Variants in PIK3C3 observed in about 807,000 individuals in gnomAD.
The protein encoded by PIK3C3 is phosphatidylinositol 3-kinase catalytic subunit type 3, also known as PI3-kinase type 3.
Under a neutral mutation model 126.1 loss-of-function variants are expected in PIK3C3, and 95 were observed. That is an observed-to-expected ratio of 0.75 (90% CI 0.64 to 0.89). The LOEUF is 0.89. Among genes scored for constraint, PIK3C3 ranks in the 40% least tolerant of loss-of-function variants. The pLI is 0.00. For synonymous variants in PIK3C3, 374 were observed against 360.0 expected, an observed-to-expected ratio of 1.04 and a Z score of -0.44; for missense variants, 829 against 1,063.2, an observed-to-expected ratio of 0.78 and a Z score of 3.06.
At chr18:41,967,644 C>G (rs1374511882) in intron 3 of PIK3C3, among the ~76,000 whole-genome samples, 1 of 152,132 alleles carries the variant, frequency 6.6e-6, no homozygotes, top group Non-Finnish European at 1.5e-5. Context: ...AATTGAAATA[C>G]TGATTTGTTA....
chr18:42,031,397 A>T (rs1426524246), intron 15 of PIK3C3, among the ~76,000 whole-genome samples: 1 of 152,080 alleles, frequency 6.6e-6, no homozygotes, highest in East Asian at 1.9e-4. Context: ...TACATATTTG[A>T]ATTCTAATAA....
intron 21 of PIK3C3, among the ~76,000 whole-genome samples, chr18:42,054,943 A>G (rs1028485192): frequency 4.0e-5 from 6 of 151,476 alleles, no homozygotes; most frequent in African/African-American, 1.5e-4. Context: ...TTTTTTTTAA[A>G]CTTATGTAGT....
At chr18:41,968,565 C>A (rs758285444) in intron 3 of PIK3C3, among the ~76,000 whole-genome samples, 1 of 152,058 alleles carries the variant, frequency 6.6e-6, no homozygotes, top group Non-Finnish European at 1.5e-5. Flanking sequence ...TGTTTTATTG[C>A]CAACTTTAGA....
At chr18:42,073,412 T>C (rs1257298586) in intron 24 of PIK3C3, among the ~76,000 whole-genome samples, 2 of 152,234 alleles carry the variant, frequency 1.3e-5, no homozygotes, top group African/African-American at 4.8e-5. Flanking sequence ...GGTGTGGTTA[T>C]TCTGCTTGAA....
chr18:42,046,187 C>T (rs1984550423), intron 20 of PIK3C3, among the ~76,000 whole-genome samples: 1 of 152,166 alleles, frequency 6.6e-6, no homozygotes, highest in Non-Finnish European at 1.5e-5. Context: ...ATTCATTCCT[C>T]TGTAAGTGAT....
intron 13 of PIK3C3, among the ~76,000 whole-genome samples, chr18:42,023,383 T>C (rs1179972695): frequency 6.6e-6 from 1 of 152,258 alleles, no homozygotes; most frequent in African/African-American, 2.4e-5. Flanking sequence ...GTTTCCAACA[T>C]AGCAGCTGCT....
intron 20 of PIK3C3, among the ~76,000 whole-genome samples, chr18:42,046,662 A>T (rs535752282): frequency 4.0e-4 from 61 of 152,164 alleles, no homozygotes; most frequent in South Asian, 1.0e-3. Flanking sequence ...TTTCTAGCAA[A>T]TTTATTTCAG....
At position 42,015,534 on chromosome 18, in the gene PIK3C3, A is replaced by G; in HGVS notation, c.1384A>G (p.Thr462Ala). 1 of 1,613,802 alleles carries G rather than the reference A, an allele frequency of 6.2e-7. No individual in the cohort carries two copies. The highest frequency in any genetic ancestry group is 8.5e-7 in the Non-Finnish European group (1 of 1,179,866). ...CTCTTCACCTCCTCCTGCATCAAAA[A>G]CAAAAGAAGTTCCAGATGGCGAAAA... ...SVSSPPPASK[T>A]KEVPDGENLE... Residue 462 changes from threonine to alanine, a missense_variant, in exon 12 of 25, where the codon ACA becomes GCA. Physicochemically the swap from Thr to Ala is moderately conservative, Grantham distance 58 (BLOSUM62 0). This residue lies in a region of PIK3C3 where 256 missense variants were observed against 291.0 expected (regional missense o/e 0.88). Transcript: ENST00000262039.
chr18:41,967,312 G>A (rs945219170), intron 3 of PIK3C3, among the ~76,000 whole-genome samples: 5 of 152,082 alleles, frequency 3.3e-5, no homozygotes, highest in African/African-American at 1.2e-4. Context: ...CAAGAAGCGC[G>A]TGCAGATTTT....
intron 14 of PIK3C3, 139 bp from the exon 15 acceptor site, chr18:42,029,186 C>A: frequency 1.7e-6 from 1 of 576,714 alleles, no homozygotes; most frequent in Non-Finnish European, 3.2e-6. Flanking sequence ...ATTTTTGAAT[C>A]AAGATAATCT....
intron 4 of PIK3C3, among the ~76,000 whole-genome samples, chr18:41,976,830 C>A (rs1023240199): frequency 2.0e-5 from 3 of 152,150 alleles, no homozygotes; most frequent in African/African-American, 7.2e-5. Flanking sequence ...TTTTTAAATT[C>A]ATGAAAAGAT....
intron 9 of PIK3C3, among the ~76,000 whole-genome samples, chr18:41,997,830 AAGTC>A (rs1388501846): frequency 6.6e-6 from 1 of 152,146 alleles, no homozygotes; most frequent in Non-Finnish European, 1.5e-5. Flanking sequence ...GAAGAAAAGA[AAGTC>A]AGTGAAGACG....
Position 42,033,833 on chromosome 18 carries a change from G to T in PIK3C3, c.1715G>T (p.Arg572Ile). 1 of 1,600,666 alleles carries T rather than the reference G, an allele frequency of 6.2e-7. No individual in the cohort carries two copies. Among genetic ancestry groups the T allele is most frequent in the South Asian group, 1.1e-5 (1 of 89,100 alleles). The change falls in exon 16 of 25, where the codon AGA becomes ATA. Residue 572 changes from arginine to isoleucine, a missense_variant. This residue lies in a region of PIK3C3 where 256 missense variants were observed against 291.0 expected (regional missense o/e 0.88). Coordinates refer to ENST00000262039, the MANE Select transcript of PIK3C3 (RefSeq NM_002647.4). The stretch of plus-strand genomic sequence containing the variant: ...CTTTCTGATTTGTTCTAGAATGAGA[G>T]ACTACAGGCATTGCTTGGAGATAAT... Reference protein sequence around the residue: ...ESGNRKKKNERLQALLGDNEK... With the variant: ...ESGNRKKKNEILQALLGDNEK...
At chr18:42,011,659 G>T (rs1982832926) in intron 10 of PIK3C3, among the ~76,000 whole-genome samples, 1 of 152,122 alleles carries the variant, frequency 6.6e-6, no homozygotes, top group South Asian at 2.1e-4. Context: ...TATCCTTCAA[G>T]AACTTTTCCT....
intron 4 of PIK3C3, among the ~76,000 whole-genome samples, chr18:41,979,423 G>A (rs1981088139): frequency 6.6e-6 from 1 of 152,152 alleles, no homozygotes; most frequent in African/African-American, 2.4e-5. Context: ...ACTAAGATCA[G>A]TCAATGTTTT....
At chr18:42,003,212 T>G (rs544001385) in intron 9 of PIK3C3, among the ~76,000 whole-genome samples, 4 of 152,306 alleles carry the variant, frequency 2.6e-5, no homozygotes, top group African/African-American at 9.6e-5. Context: ...AAATTATGTT[T>G]TGTTGTCCAA....
chr18:41,981,805 CAAA>C (rs56360707), intron 4 of PIK3C3, among the ~76,000 whole-genome samples: 1 of 109,704 alleles, frequency 9.1e-6, no homozygotes. Context: ...ACTAAAAATA[CAAA>C]AAAAAAAAAA....
At chr18:41,964,967 C>G (rs150608159) in intron 3 of PIK3C3, among the ~76,000 whole-genome samples, 1 of 152,218 alleles carries the variant, frequency 6.6e-6, no homozygotes, top group African/African-American at 2.4e-5. Flanking sequence ...GGAAAAATAA[C>G]TTAGATGTAG....
chr18:41,967,666 A>G (rs1195153786), intron 3 of PIK3C3, among the ~76,000 whole-genome samples: 3 of 152,238 alleles, frequency 2.0e-5, no homozygotes, highest in Admixed American at 2.0e-4. Context: ...GGATAAGGCT[A>G]GAATAATTTG....
Sources: allele counts gnomAD v4.1 joint callset (sites outside exome capture counted in the v4.1 genomes callset), GRCh38; gene constraint gnomAD v4.1.1; regional missense constraint gnomAD v4.1.1; transcripts MANE v1.5; gene names NCBI Gene and HGNC (gene_info 2026-07-23, HGNC 2026-07-21).